The following TECPR2 variants were observed in gnomAD, a reference collection of about 807,000 sequenced individuals.
TECPR2 encodes tectonin beta-propeller repeat containing 2, also known as tectonin beta-propeller repeat-containing protein 2.
A neutral mutation model predicts 138.1 loss-of-function variants in TECPR2; 65 were observed. The observed-to-expected ratio is 0.47, with a 90% CI of 0.39 to 0.58. The LOEUF (loss-of-function observed/expected upper bound fraction) is 0.58. Ranked by LOEUF, TECPR2 falls within the 20% of genes least tolerant of loss-of-function variation. The pLI, the probability that TECPR2 is intolerant of heterozygous loss-of-function variation, is 0.00. For missense variants in TECPR2, 1,553 were observed against 1,824.5 expected, an observed-to-expected ratio of 0.85 and a Z score of 2.71; for synonymous variants, 746 against 749.8, an observed-to-expected ratio of 0.99 and a Z score of 0.08.
intron 7 of TECPR2, 90 bp from the exon 8 acceptor site, chr14:102,431,706 C>T: frequency 7.7e-7 from 1 of 1,304,658 alleles, no homozygotes; most frequent in African/African-American, 1.5e-5. Flanking sequence ...GCCTCTGTGA[C>T]AACTGGTATT....
chr14:102,369,794 C>CAAA (rs1354299593), intron 1 of TECPR2, among the ~76,000 whole-genome samples: 3,846 of 151,096 alleles, frequency 0.025, 63 homozygotes, highest in Middle Eastern at 0.082. Context: ...AACAAAAAAA[C>CAAA]AAAAAAACAA....
intron 1 of TECPR2, among the ~76,000 whole-genome samples, chr14:102,363,387 C>T (rs1887238818): frequency 6.6e-6 from 1 of 152,222 alleles, no homozygotes; most frequent in Non-Finnish European, 1.5e-5. Context: ...CTCCTCAGGC[C>T]TCCGCTGCGC....
Position 102,434,855 on chromosome 14 carries a change from G to A in TECPR2, c.2038G>A (p.Glu680Lys). 1 of 1,613,638 alleles carries A rather than the reference G, an allele frequency of 6.2e-7. No homozygotes were observed. Among genetic ancestry groups the A allele is most frequent in the Non-Finnish European group, 8.5e-7 (1 of 1,180,038 alleles). The change falls in exon 9 of 20, where the codon GAG (glutamate) becomes AAG (lysine). Residue 680 changes from glutamate to lysine, a missense_variant. Coordinates refer to ENST00000359520, the MANE Select transcript of TECPR2 (RefSeq NM_014844.5). ...DEGSPVEPSQ[E>K]QDILTSMEAS... ...AGGCAGCCCCGTGGAGCCCAGCCAA[G>A]AGCAGGACATCCTAACCAGCATGGA...
At chr14:102,435,623 C>G (rs1279181269) in intron 9 of TECPR2, among the ~76,000 whole-genome samples, 1 of 152,152 alleles carries the variant, frequency 6.6e-6, no homozygotes, top group Non-Finnish European at 1.5e-5. Context: ...CAGGGAGTCT[C>G]CTGTCCTTCT....
Position 102,475,939 on chromosome 14 carries a change from A to G in TECPR2, c.3789+10650A>G, listed in dbSNP as rs141883556. On this transcript the variant is annotated intron_variant, in intron 17 of 19. Coordinates refer to ENST00000359520, the MANE Select transcript of TECPR2 (RefSeq NM_014844.5). The stretch of plus-strand genomic sequence containing the variant: ...AGAAAAACTCCAGGCTAGGCCAGGC[A>G]TGCAACGGCTCACACCTGTAATCCC... Among the ~76,000 whole-genome samples the G allele has an allele frequency of 3.1e-3, 474 of 152,272 alleles. 1 individual carries two copies. The highest frequency in any genetic ancestry group is 4.6e-3 in the Non-Finnish European group (316 of 68,028).
rs1483363743 is a variant in TECPR2, at chr14:102,420,289, C to T, written c.639-4690C>T. On this transcript the variant is annotated intron_variant, in intron 5 of 19. Transcript: ENST00000359520. The surrounding 1 kb of genome is among the most constrained non-coding windows in gnomAD (Gnocchi z 4.1). ...TTAATTTGTTTATGATTTTAGAATC[C>T]TGCAATACTTAGACCTTAAAAGTTG... Among the ~76,000 whole-genome samples, 1 of 152,088 alleles carries T rather than the reference C, an allele frequency of 6.6e-6. No homozygotes were observed. Among genetic ancestry groups the T allele is most frequent in the Non-Finnish European group, 1.5e-5 (1 of 68,014 alleles).
intron 4 of TECPR2, among the ~76,000 whole-genome samples, chr14:102,410,634 T>C (rs879707901): frequency 4.7e-3 from 712 of 151,682 alleles, no homozygotes; most frequent in Admixed American, 8.5e-3. Flanking sequence ...AGCTCCTGTA[T>C]GGATACTCCT....
intron 1 of TECPR2, among the ~76,000 whole-genome samples, chr14:102,369,980 A>G (rs1017390247): frequency 1.2e-4 from 18 of 151,772 alleles, no homozygotes; most frequent in Admixed American, 1.0e-3. Context: ...CAAACAAGCA[A>G]ACAAACAAAC....
At chr14:102,494,194 G>A (rs974760059) in intron 17 of TECPR2, among the ~76,000 whole-genome samples, 2 of 152,198 alleles carry the variant, frequency 1.3e-5, no homozygotes, top group Non-Finnish European at 1.5e-5. Context: ...AGGGAGCAGC[G>A]AAGGGAGCCC....
rs1478896966 is a variant in TECPR2 at position 102,498,290 on chromosome 14, G to A, written c.*33G>A. The A allele has an allele frequency of 1.4e-5, 22 of 1,578,020 alleles. No individual in the cohort carries two copies. The highest frequency in any genetic ancestry group is 4.5e-5 in the East Asian group (2 of 44,326). On this transcript the variant is annotated 3_prime_UTR_variant, in exon 20 of 20. Transcript: ENST00000359520. ...CTGGCCGAGTCACGCGGAGGGGCCC[G>A]GCGTCTGTGGCGGGCACAGGGGCTT... is the stretch of plus-strand genomic sequence containing the variant.
intron 4 of TECPR2, among the ~76,000 whole-genome samples, chr14:102,413,636 A>G (rs749111755): frequency 1.3e-5 from 2 of 151,950 alleles, no homozygotes; most frequent in Middle Eastern, 3.4e-3. Context: ...ACCTCGGCCT[A>G]CCAAAATATA....
In TECPR2 at chr14:102,436,368, G is replaced by A. The variant is rs575092264; in HGVS notation, c.2394+1157G>A. Among the ~76,000 whole-genome samples, 474 of 150,068 alleles carry A rather than the reference G, an allele frequency of 3.2e-3. 1 individual carries two copies. The highest frequency in any genetic ancestry group is 4.8e-3 in the Non-Finnish European group (323 of 67,740). On this transcript the variant is annotated intron_variant, in intron 9 of 19. Coordinates refer to ENST00000359520, the MANE Select transcript of TECPR2 (RefSeq NM_014844.5). ...GGGTCTCACTCTGTCACCCAGGATGGAGCGCAGTGGCGCAATCATGGCTCA... is the reference window on the plus strand; with the variant it reads ...GGGTCTCACTCTGTCACCCAGGATGAAGCGCAGTGGCGCAATCATGGCTCA...
At chr14:102,492,285 G>A (rs566093769) in intron 17 of TECPR2, among the ~76,000 whole-genome samples, 1 of 152,256 alleles carries the variant, frequency 6.6e-6, no homozygotes, top group African/African-American at 2.4e-5. Flanking sequence ...TCCTCCTTTC[G>A]GAGAGAAGCC....
chr14:102,482,363 C>G (rs1261409436), intron 17 of TECPR2, among the ~76,000 whole-genome samples: 1 of 152,220 alleles, frequency 6.6e-6, no homozygotes, highest in Non-Finnish European at 1.5e-5. Flanking sequence ...GCCTGCTCAT[C>G]TAGTTTTCTA....
chr14:102,495,269 G>A (rs1891249897), intron 17 of TECPR2, among the ~76,000 whole-genome samples: 1 of 152,160 alleles, frequency 6.6e-6, no homozygotes, highest in Non-Finnish European at 1.5e-5. Context: ...GGGGCAGGAG[G>A]GAGGGGGTGG....
rs747681956 is a variant in TECPR2 at position 102,408,636 on chromosome 14, A to G, written c.480+17A>G. On this transcript the variant is annotated intron_variant, in intron 4 of 19. Coordinates refer to ENST00000359520, the MANE Select transcript of TECPR2 (RefSeq NM_014844.5). The stretch of plus-strand genomic sequence containing the variant: ...CTAGACCAGGTAAAATTATTTTCAG[A>G]AATACTGTTGGCTCTTACCTTCTTA... The G allele has an allele frequency of 1.7e-5, 27 of 1,596,654 alleles. No individual in the cohort carries two copies. In the Admixed American group the frequency reaches 4.7e-4, roughly 28 times the overall value.
intron 2 of TECPR2, among the ~76,000 whole-genome samples, chr14:102,392,875 G>GA (rs1437488523): frequency 6.6e-6 from 1 of 152,206 alleles, no homozygotes; most frequent in Non-Finnish European, 1.5e-5. Flanking sequence ...TTCAAACTCT[G>GA]ATGCTGAATG....
At chr14:102,421,048 T>C (rs780457527) in intron 5 of TECPR2, among the ~76,000 whole-genome samples, 4 of 152,212 alleles carry the variant, frequency 2.6e-5, no homozygotes, top group Non-Finnish European at 4.4e-5. Context: ...TCAAACACGA[T>C]GTCTTACAGA....
At chr14:102,471,558 C>CCTGGA in intron 17 of TECPR2, among the ~76,000 whole-genome samples, 1 of 151,334 alleles carries the variant, frequency 6.6e-6, no homozygotes, top group Admixed American at 6.6e-5. Flanking sequence ...AAAAAAATTA[C>CCTGGA]CTGGACCTGA....
Sources: allele counts gnomAD v4.1 joint callset (sites outside exome capture counted in the v4.1 genomes callset), GRCh38; gene constraint gnomAD v4.1.1; non-coding constraint Gnocchi (gnomAD v3.1); transcripts MANE v1.5; gene names NCBI Gene and HGNC (gene_info 2026-07-23, HGNC 2026-07-21).